NOLC1: variants seen among roughly 807,000 people sequenced by gnomAD.
NOLC1 encodes the protein 140 kDa nucleolar phosphoprotein.
Under a neutral mutation model 73.4 loss-of-function variants are expected in NOLC1, and 37 were observed. The observed-to-expected ratio is 0.50, with a 90% CI of 0.39 to 0.66. The LOEUF (loss-of-function observed/expected upper bound fraction) is 0.66, where lower values mean the gene tolerates loss of function less well. Among genes scored for constraint, NOLC1 ranks in the 30% least tolerant of loss-of-function variants. The pLI, the probability that NOLC1 is intolerant of heterozygous loss-of-function variation, is 0.00. For synonymous variants in NOLC1, 327 were observed against 302.6 expected, an observed-to-expected ratio of 1.08 and a Z score of -0.84; for missense variants, 921 against 838.9, an observed-to-expected ratio of 1.10 and a Z score of -1.21.
In NOLC1 at chr10:102,160,736, G is replaced by T; in HGVS notation, c.1384G>T (p.Ala462Ser). The T allele has an allele frequency of 6.2e-7, 1 of 1,614,114 alleles. No individual in the cohort carries two copies. The highest frequency in any genetic ancestry group is 8.5e-7 in the Non-Finnish European group (1 of 1,179,966). Residue 462 changes from alanine to serine, a missense_variant, in exon 10 of 13, where the codon GCT becomes TCT. Coordinates refer to ENST00000605788, the MANE Select transcript of NOLC1 (RefSeq NM_004741.5). ...AGCTCTATCTCTGCCTGCCAAGCAG[G>T]CTCCTCAGGGTAGTAGGGACAGCAG... is the stretch of plus-strand genomic sequence containing the variant. ...KAALSLPAKQ[A>S]PQGSRDSSSD... is the part of the protein sequence containing the mutation.
Position 102,159,463 on chromosome 10 carries a change from G to A in NOLC1, c.754G>A (p.Ala252Thr), listed in dbSNP as rs2069661296. 6.2e-7 allele frequency: 1 copy of A among 1,614,004 alleles called. No homozygotes were observed. The highest frequency in any genetic ancestry group is 1.3e-5 in the African/African-American group (1 of 74,884). Reference sequence around the variant, plus strand: ...ACCTAAAAAGCAAGTTGTGGCCAAGGCCCCAGTGAAAGCAGCTACCACCCC... The same window carrying A: ...ACCTAAAAAGCAAGTTGTGGCCAAGACCCCAGTGAAAGCAGCTACCACCCC... The part of the protein sequence containing the change: ...TVPKKQVVAK[A>T]PVKAATTPTR... Residue 252 changes from alanine to threonine, a missense_variant, in exon 7 of 13, where the codon GCC becomes ACC. Ala to Thr is a moderately conservative substitution (Grantham distance 58). Coordinates refer to ENST00000605788, the MANE Select transcript of NOLC1 (RefSeq NM_004741.5).
In NOLC1 at chr10:102,157,512, G is replaced by GTGA. The variant is rs774940187; in HGVS notation, c.411_413dup (p.Asp137dup). On this transcript the variant is annotated inframe_insertion, in exon 4 of 13. Coordinates refer to ENST00000605788, the MANE Select transcript of NOLC1 (RefSeq NM_004741.5). The stretch of plus-strand genomic sequence containing the variant: ...GAGAGTAGCAGCAGTGAAGAGTCCA[G>GTGA]TGATGATGATGATGAGGAGGACCAA... 2.5e-5 allele frequency: 40 copies of GTGA among 1,614,026 alleles called. No homozygotes were observed. Among genetic ancestry groups the GTGA allele is most frequent in the East Asian group, 1.1e-4 (5 of 44,902 alleles).
At position 102,158,071 on chromosome 10, in the gene NOLC1, A is replaced by G; in HGVS notation, c.464A>G (p.Lys155Arg). Residue 155 changes from lysine to arginine, a missense_variant, in exon 5 of 13, where the codon AAG becomes AGG. By Grantham distance (26) the Lys-to-Arg change is conservative (BLOSUM62 2). Coordinates refer to ENST00000605788, the MANE Select transcript of NOLC1 (RefSeq NM_004741.5). ...PVQKGVKPQA[K>R]AAKAPPKKAK... The stretch of plus-strand genomic sequence containing the variant: ...CAGAAGGGAGTTAAGCCCCAAGCCA[A>G]GGCAGCCAAAGCTCCTCCTAAGAAG... 1.9e-6 allele frequency: 3 copies of G among 1,614,010 alleles called. No individual in the cohort carries two copies. The highest frequency in any genetic ancestry group is 2.5e-6 in the Non-Finnish European group (3 of 1,179,946).
chr10:102,155,095 T>C (rs2069571608), intron 1 of NOLC1, among the ~76,000 whole-genome samples: 2 of 149,512 alleles, frequency 1.3e-5, no homozygotes, highest in Non-Finnish European at 3.0e-5. Flanking sequence ...CAATCTCGGC[T>C]CACCACAACC....
chr10:102,159,504 T>G lies in NOLC1; in HGVS notation c.795T>G (p.Ser265=). Residue 265 remains serine (S), a synonymous_variant, in exon 7 of 13, where the codon TCT becomes TCG. Transcript: ENST00000605788. ...KAATTPTRKS[S]SSEDSSSDEE... ...CTACCACCCCTACCCGGAAGAGTTC[T>G]AGCAGTGAGGATTCCTCCAGTGACG... is the stretch of plus-strand genomic sequence containing the variant. 1.9e-6 allele frequency: 3 copies of G among 1,614,158 alleles called. No homozygotes were observed. The highest frequency in any genetic ancestry group is 2.5e-6 in the Non-Finnish European group (3 of 1,180,050).
At chr10:102,155,022 A>ATTTTTTTTTTTTTTTTTT (rs34034390) in intron 1 of NOLC1, among the ~76,000 whole-genome samples, 1 of 131,234 alleles carries the variant, frequency 7.6e-6, no homozygotes, top group African/African-American at 2.8e-5. Flanking sequence ...CACCTGGCTA[A>ATTTTTTTTTTTTTTTTTT]TTTTTTTTTT....
Position 102,157,668 on chromosome 10 carries a change from TGAGGAA to T in NOLC1, c.441+116_441+121del, listed in dbSNP as rs1423180527. On this transcript the variant is annotated intron_variant, in intron 4 of 12. Transcript: ENST00000605788. ...ATGGCGGCAATACAATAGGTGATTA[TGAGGAA>T]GAAAATCTGGGGATTTTCAGGGAGC... The T allele has an allele frequency of 8.8e-6, 11 of 1,251,320 alleles. No individual in the cohort carries two copies. In the Admixed American group the frequency reaches 2.0e-4, roughly 22 times the overall value. 77.5% of individuals were successfully genotyped at this position (1,251,320 alleles called of 1,614,324 possible). A position where few individuals can be genotyped will look rare whatever the true frequency, so the allele number is the denominator to read the frequency against.
chr10:102,160,968 C>T lies in NOLC1; in HGVS notation c.1616C>T (p.Pro539Leu). ...EEEKLKGKGS[P>L]RPQAPKANGT... ...GAGAAGCTCAAGGGCAAGGGCTCTC[C>T]AAGACCACAAGCCCCCAAGGCCAAT... Residue 539 changes from proline (P) to leucine (L), a missense_variant, in exon 10 of 13, where the codon CCA becomes CTA. By Grantham distance (98) the Pro-to-Leu change is moderately conservative. Coordinates refer to ENST00000605788, the MANE Select transcript of NOLC1 (RefSeq NM_004741.5). 1.2e-6 allele frequency: 2 copies of T among 1,614,162 alleles called. No individual in the cohort carries two copies. Among genetic ancestry groups the T allele is most frequent in the African/African-American group, 2.7e-5 (2 of 75,046 alleles).
Position 102,159,044 on chromosome 10 carries a change from G to A in NOLC1, c.608-149G>A, listed in dbSNP as rs2069650852. ...ACTGCACACTAGCCTGTGCAACAGA[G>A]CCAGAGCCAGACTCCGTCTCCAAAA... On this transcript the variant is annotated intron_variant, in intron 5 of 12. Coordinates refer to ENST00000605788, the MANE Select transcript of NOLC1 (RefSeq NM_004741.5). 26 of 868,238 alleles carry A rather than the reference G, an allele frequency of 3.0e-5. No individual in the cohort carries two copies. The South Asian group carries it at 4.6e-4, about 15-fold the overall frequency. 53.8% of individuals were successfully genotyped at this position (868,238 alleles called of 1,614,324 possible).
chr10:102,161,576 C>T lies in NOLC1; in HGVS notation c.1762C>T (p.Gln588Ter). 8 of 1,613,824 alleles carry T rather than the reference C, an allele frequency of 5.0e-6. No individual in the cohort carries two copies. Among genetic ancestry groups the T allele is most frequent in the Non-Finnish European group, 6.8e-6 (8 of 1,179,790 alleles). ...SKSGSLKKRK[Q>*]NEAAKEAETP... The stretch of plus-strand genomic sequence containing the variant: ...TGTAGGTTCATTAAAGAAGCGGAAG[C>T]AGAATGAGGCTGCCAAGGAGGCAGA... Residue 588 changes from glutamine (Q) to a stop codon, truncating the protein, a stop_gained, in exon 11 of 13, where the codon CAG (glutamine) becomes TAG (stop). Transcript: ENST00000605788. LOFTEE classifies it high-confidence loss of function.
chr10:102,152,752 C>A (rs934746539), intron 1 of NOLC1, among the ~76,000 whole-genome samples: 6 of 152,198 alleles, frequency 3.9e-5, no homozygotes, highest in Non-Finnish European at 2.9e-5. Flanking sequence ...TTGCTTTTTT[C>A]TTGTGACCTG....
intron 1 of NOLC1, among the ~76,000 whole-genome samples, chr10:102,155,096 C>T (rs1489831335): frequency 6.7e-6 from 1 of 150,194 alleles, no homozygotes; most frequent in Non-Finnish European, 1.5e-5. Context: ...AATCTCGGCT[C>T]ACCACAACCT....
chr10:102,161,351 C>T (rs553960237), intron 10 of NOLC1, among the ~76,000 whole-genome samples: 7 of 152,254 alleles, frequency 4.6e-5, no homozygotes, highest in African/African-American at 1.7e-4. Context: ...CCACCCCAGC[C>T]TCCTGAGTAG....
chr10:102,158,111 T>C lies in NOLC1; in HGVS notation c.504T>C (p.Asp168=). 1 of 1,614,088 alleles carries C rather than the reference T, an allele frequency of 6.2e-7. No homozygotes were observed. Among genetic ancestry groups the C allele is most frequent in the Non-Finnish European group, 8.5e-7 (1 of 1,179,936 alleles). The change falls in exon 5 of 13, where the codon GAT becomes GAC. Residue 168 remains aspartate, a synonymous_variant. Coordinates refer to ENST00000605788, the MANE Select transcript of NOLC1 (RefSeq NM_004741.5). ...KAPPKKAKSS[D]SDSDSSSEDE... is the part of the protein sequence containing the mutation. Reference sequence around the variant, plus strand: ...CTCCTAAGAAGGCCAAGAGCTCTGATTCTGATTCTGACTCAAGCTCCGAGG... The same window carrying C: ...CTCCTAAGAAGGCCAAGAGCTCTGACTCTGATTCTGACTCAAGCTCCGAGG...
rs1419826569 is a variant in NOLC1 at position 102,161,150 on chromosome 10, A to AT, written c.1741+58dup. The AT allele has an allele frequency of 5.3e-6, 8 of 1,515,762 alleles. No individual in the cohort carries two copies. In the African/African-American group the frequency reaches 1.1e-4, roughly 21 times the overall value. 93.9% of individuals were successfully genotyped at this position (1,515,762 alleles called of 1,614,324 possible). ...TTGTCCCCCCAAATCAGGATGGGATATACTCTTTGAGAGTAGGGTAGTGAG... is the reference window on the plus strand; with the variant it reads ...TTGTCCCCCCAAATCAGGATGGGATATTACTCTTTGAGAGTAGGGTAGTGAG... On this transcript the variant is annotated intron_variant, in intron 10 of 12. Transcript: ENST00000605788.
At position 102,157,547 on chromosome 10, in the gene NOLC1, C is replaced by G. The variant is rs2069620540; in HGVS notation, c.433C>G (p.Pro145Ala). 1.2e-6 allele frequency: 2 copies of G among 1,613,692 alleles called. No homozygotes were observed. The highest frequency in any genetic ancestry group is 1.3e-5 in the African/African-American group (1 of 74,856). ...TGATGAGGAGGACCAAAAGAAACAG[C>G]CTGTCCAGGTTTGCAGCTTTGGGAA... ...DDDEEDQKKQ[P>A]VQKGVKPQAK... The change falls in exon 4 of 13, where the codon CCT becomes GCT. Residue 145 changes from proline (P) to alanine (A), a missense_variant. Coordinates refer to ENST00000605788, the MANE Select transcript of NOLC1 (RefSeq NM_004741.5).
chr10:102,160,199 C>G (rs1849349758), intron 8 of NOLC1, 34 bp from the exon 9 acceptor site: 1 of 1,604,788 alleles, frequency 6.2e-7, no homozygotes, highest in African/African-American at 1.3e-5. Flanking sequence ...GGTTGGGACT[C>G]TGGACCCAGC....
At chr10:102,159,163 C>G (rs767543350) in intron 5 of NOLC1, 30 bp from the exon 6 acceptor site, 7 of 1,609,280 alleles carry the variant, frequency 4.3e-6, no homozygotes, top group Non-Finnish European at 5.9e-6. Flanking sequence ...CCTAATACTC[C>G]TTACTCTTTC....
At position 102,159,960 on chromosome 10, in the gene NOLC1, T is replaced by G; in HGVS notation, c.924T>G (p.Pro308=). The part of the protein sequence containing the change: ...PPPKKSLGTQ[P]PKKAVEKQQP... ...CAAAGAAGTCTCTGGGAACCCAGCC[T>G]CCCAAGAAGGCTGTGGAGAAGCAGC... The change falls in exon 8 of 13, where the codon CCT becomes CCG. Residue 308 remains proline (P), a synonymous_variant. Transcript: ENST00000605788. 1 of 1,610,874 alleles carries G rather than the reference T, an allele frequency of 6.2e-7. No homozygotes were observed. The highest frequency in any genetic ancestry group is 1.3e-5 in the African/African-American group (1 of 74,944).
Sources: gnomAD v4.1 joint callset for allele counts (sites outside exome capture counted in the v4.1 genomes callset) on GRCh38, gnomAD v4.1.1 for gene constraint, MANE v1.5 for transcripts, NCBI Gene and HGNC (gene_info 2026-07-23, HGNC 2026-07-21) for gene names.